The following SRRM1 variants were observed in gnomAD, a reference collection of about 807,000 sequenced individuals.
The protein encoded by SRRM1 is serine/arginine repetitive matrix protein 1.
A neutral mutation model predicts 110.2 loss-of-function variants in SRRM1; 19 were observed. The observed-to-expected ratio is 0.17, with a 90% CI of 0.12 to 0.25. The LOEUF is 0.25. Ranked by LOEUF, SRRM1 falls within the 10% of genes least tolerant of loss-of-function variation. The probability of loss-of-function intolerance (pLI) is 1.00; values close to 1 mark genes in which losing one functional copy is unlikely to be tolerated. For synonymous variants in SRRM1, 443 were observed against 414.9 expected, an observed-to-expected ratio of 1.07 and a Z score of -0.82; for missense variants, 918 against 1,145.8, an observed-to-expected ratio of 0.80 and a Z score of 2.87.
chr1:24,666,155 A>G (rs377444501), intron 12 of SRRM1, among the ~76,000 whole-genome samples: 108 of 152,328 alleles, frequency 7.1e-4, no homozygotes, highest in African/African-American at 2.5e-3. Context: ...TCTAATGTGC[A>G]TCCCCAATAA....
At chr1:24,670,765 T>C (rs1208687596) in intron 15 of SRRM1, among the ~76,000 whole-genome samples, 1 of 152,246 alleles carries the variant, frequency 6.6e-6, no homozygotes, top group African/African-American at 2.4e-5. Context: ...CAGATGTCCA[T>C]ATTTAATTGG....
chr1:24,669,566 CG>C lies in SRRM1; in HGVS notation c.2185del (p.Glu729AsnfsTer5). 1 of 1,580,014 alleles carries C rather than the reference CG, an allele frequency of 6.3e-7. No homozygotes were observed. The highest frequency in any genetic ancestry group is 1.8e-5 in the Admixed American group (1 of 55,300). On this transcript the variant is annotated frameshift_variant, in exon 14 of 17. Transcript: ENST00000323848. LOFTEE classifies it high-confidence loss of function. Reference protein sequence around the residue: ...TRPIRRVSRTPEPKKIKKAAS... With the variant: ...TRPIRRVSRTXEPKKIKKAAS... ...CCCATTAGGAGAGTCTCCAGGACTC[CG>C]GAACCTAAAAAGATAAAAAAGTAAA...
Position 24,661,316 on chromosome 1 carries a change from A to G in SRRM1, c.1403A>G (p.Asp468Gly). 2 of 1,612,238 alleles carry G rather than the reference A, an allele frequency of 1.2e-6. No individual in the cohort carries two copies. The highest frequency in any genetic ancestry group is 1.7e-6 in the Non-Finnish European group (2 of 1,178,822). ...AAATGCATCCATCTTTCAGAAGAAG[A>G]TAAAGGTGGCAAAATGGCTGCAGCA... is the stretch of plus-strand genomic sequence containing the variant. ...RKVELSESEE[D>G]KGGKMAAADS... The change falls in exon 11 of 17, where the codon GAT (aspartate) becomes GGT (glycine). Residue 468 changes from aspartate (D) to glycine (G), a missense_variant. By Grantham distance (94) the Asp-to-Gly change is moderately conservative (BLOSUM62 -1). Transcript: ENST00000323848.
chr1:24,653,321 G>C (rs948824293), intron 8 of SRRM1, among the ~76,000 whole-genome samples: 2 of 152,008 alleles, frequency 1.3e-5, no homozygotes, highest in African/African-American at 4.8e-5. Flanking sequence ...AAGAGAATTG[G>C]CCACCTTCTC....
In SRRM1 at chr1:24,648,724, T is replaced by A. The variant is rs140975575; in HGVS notation, c.235-135T>A. ...CTAGGGAAGACTATTTGTAAAATAG[T>A]AAGGACTATATATATGTCTAAGCCC... is the stretch of plus-strand genomic sequence containing the variant. On this transcript the variant is annotated intron_variant, in intron 3 of 16. Coordinates refer to ENST00000323848, the MANE Select transcript of SRRM1 (RefSeq NM_005839.4). The A allele has an allele frequency of 2.1e-3, 1,416 of 667,526 alleles. 15 individuals are homozygous for A. The African/African-American group carries it at 0.023, about 11-fold the overall frequency. 41.4% of individuals were successfully genotyped at this position (667,526 alleles called of 1,614,324 possible).
In SRRM1 at chr1:24,662,775, A is replaced by T; in HGVS notation, c.1599A>T (p.Pro533=). Residue 533 remains proline, a synonymous_variant, in exon 12 of 17, where the codon CCA becomes CCT. Coordinates refer to ENST00000323848, the MANE Select transcript of SRRM1 (RefSeq NM_005839.4). ...HSPSRSASPS[P]RKRQKETSPR... is the part of the protein sequence containing the mutation. ...CTTCCCGGAGTGCTTCTCCATCACC[A>T]CGAAAGCGCCAAAAAGAGACTTCCC... 2 of 1,614,168 alleles carry T rather than the reference A, an allele frequency of 1.2e-6. No individual in the cohort carries two copies. Among genetic ancestry groups the T allele is most frequent in the Non-Finnish European group, 1.7e-6 (2 of 1,180,014 alleles).
At chr1:24,671,263 C>T (rs1672606213) in intron 15 of SRRM1, 123 bp from the exon 16 acceptor site, 2 of 1,109,862 alleles carry the variant, frequency 1.8e-6, no homozygotes, top group East Asian at 2.4e-5. Context: ...CTCACACCCT[C>T]CAAAGCCTTT....
intron 3 of SRRM1, 199 bp downstream of exon 3, chr1:24,646,988 A>C: frequency 2.4e-6 from 1 of 415,298 alleles, no homozygotes; most frequent in Non-Finnish European, 4.2e-6. Context: ...CACAGGTGAA[A>C]AATCAAACTT....
rs141688726 is a variant in SRRM1, at chr1:24,666,697, G to A, written c.1629-118G>A. ...GGAGAATTGCTTGAACCTGGGAGGC[G>A]GAGGTTGCAGTGAGCCAAGATCATG... On this transcript the variant is annotated intron_variant, in intron 12 of 16. Transcript: ENST00000323848. The A allele has an allele frequency of 7.5e-4, 527 of 699,774 alleles. 5 individuals are homozygous for A. The East Asian group carries it at 0.015, about 19-fold the overall frequency. 43.3% of individuals were successfully genotyped at this position (699,774 alleles called of 1,614,324 possible).
chr1:24,651,411 G>A lies in SRRM1; in HGVS notation c.524G>A (p.Arg175His), dbSNP rs1209875188. 3.7e-6 allele frequency: 6 copies of A among 1,612,864 alleles called. No individual in the cohort carries two copies. The highest frequency in any genetic ancestry group is 4.2e-6 in the Non-Finnish European group (5 of 1,179,424). The change falls in exon 6 of 17, where the codon CGC (arginine) becomes CAC (histidine). Residue 175 changes from arginine to histidine, a missense_variant and splice_region_variant. Arg to His is a conservative substitution (Grantham distance 29, BLOSUM62 0). This residue lies in a region of SRRM1 where 456 missense variants were observed against 453.5 expected (regional missense o/e 1.01). Coordinates refer to ENST00000323848, the MANE Select transcript of SRRM1 (RefSeq NM_005839.4). ...GAAAAAAATTACTTTCATCCTAGAC[G>A]CAAATCCAGATCTCCTTCCCCTAGA... ...KRERSRSPRR[R>H]KSRSPSPRRR...
intron 7 of SRRM1, 45 bp downstream of exon 7, chr1:24,652,673 AC>A (rs1661663334): frequency 6.6e-7 from 1 of 1,504,914 alleles, no homozygotes; most frequent in African/African-American, 1.4e-5. Flanking sequence ...GGTTTTATAT[AC>A]TACTCTACTG....
intron 6 of SRRM1, 144 bp from the exon 7 acceptor site, chr1:24,652,290 A>G (rs918886219): frequency 5.3e-6 from 3 of 564,338 alleles, no homozygotes; most frequent in African/African-American, 3.9e-5. Context: ...ATAGGTACAT[A>G]CATACTTATG....
At chr1:24,643,381 AG>A (rs780294979) in intron 1 of SRRM1, 34 bp downstream of exon 1, 6 of 1,535,980 alleles carry the variant, frequency 3.9e-6, no homozygotes, top group African/African-American at 1.5e-5. Context: ...GGGTGAGGCC[AG>A]GGACTTCTCG....
rs1219913233 is a variant in SRRM1 at position 24,652,294 on chromosome 1, A to T, written c.726-140A>T. The T allele has an allele frequency of 2.6e-5, 15 of 577,434 alleles. No individual in the cohort carries two copies. In the African/African-American group the frequency reaches 2.7e-4, roughly 10 times the overall value. The allele number at this position is 577,434 out of a possible 1,614,324, so 35.8% of individuals were successfully genotyped here. On this transcript the variant is annotated intron_variant, in intron 6 of 16. Transcript: ENST00000323848. ...GGGTTTCAGTGATAGGTACATACAT[A>T]CTTATGTGTCTTTTGGAGATAGAGA...
At chr1:24,655,214 A>G in intron 9 of SRRM1, 85 bp downstream of exon 9, 1 of 1,381,812 alleles carries the variant, frequency 7.2e-7, no homozygotes, top group South Asian at 1.3e-5. Context: ...TCACTCTCAA[A>G]GTATGAAATA....
At chr1:24,654,759 G>C in intron 8 of SRRM1, 96 bp from the exon 9 acceptor site, 1 of 1,451,632 alleles carries the variant, frequency 6.9e-7, no homozygotes, top group Non-Finnish European at 9.5e-7. Flanking sequence ...TCAAAAGTCG[G>C]ATTAAAATAG....
At chr1:24,657,973 T>A (rs1183032192) in intron 9 of SRRM1, among the ~76,000 whole-genome samples, 1 of 152,176 alleles carries the variant, frequency 6.6e-6, no homozygotes, top group Non-Finnish European at 1.5e-5. Context: ...TTAATAGGAC[T>A]GTTGGAGTAA....
intron 12 of SRRM1, among the ~76,000 whole-genome samples, chr1:24,665,422 T>G (rs1571042637): frequency 8.3e-6 from 1 of 120,872 alleles, no homozygotes; most frequent in Non-Finnish European, 1.7e-5. Context: ...AGAGCAAAAC[T>G]CCGTCTCAAA....
Position 24,672,510 on chromosome 1 carries a change from A to G in SRRM1, c.*224A>G, listed in dbSNP as rs980292044. On this transcript the variant is annotated 3_prime_UTR_variant, in exon 17 of 17. Transcript: ENST00000323848. ...CAGCTGACATAATTCATTGAGTGAA[A>G]TATTTTAAGCCAAAAAAAAATTCCC... The G allele has an allele frequency of 1.1e-4, 31 of 275,860 alleles. No individual in the cohort carries two copies. The highest frequency in any genetic ancestry group is 2.1e-3 in the Middle Eastern group (2 of 942). 17.1% of individuals were successfully genotyped at this position (275,860 alleles called of 1,614,324 possible). A position where few individuals can be genotyped will look rare whatever the true frequency, so the allele number is the denominator to read the frequency against.
Sources: gnomAD v4.1 joint callset for allele counts (sites outside exome capture counted in the v4.1 genomes callset) on GRCh38, gnomAD v4.1.1 for gene constraint, gnomAD v4.1.1 regional missense constraint, MANE v1.5 for transcripts, NCBI Gene and HGNC (gene_info 2026-07-23, HGNC 2026-07-21) for gene names.